XRCC5: variants seen among roughly 807,000 people sequenced by gnomAD.
XRCC5 encodes the protein X-ray repair cross complementing 5, also known as DNA repair protein Ku80.
A neutral mutation model predicts 95.7 loss-of-function variants in XRCC5; 12 were observed. The observed-to-expected ratio is 0.13, with a 90% confidence interval of 0.08 to 0.20. The LOEUF (loss-of-function observed/expected upper bound fraction) is 0.20, where lower values mean the gene tolerates loss of function less well. Among genes scored for constraint, XRCC5 ranks in the 10% least tolerant of loss-of-function variants. The pLI, the probability that XRCC5 is intolerant of heterozygous loss-of-function variation, is 1.00. For synonymous variants in XRCC5, 281 were observed against 290.3 expected, an observed-to-expected ratio of 0.97 and a Z score of 0.33; for missense variants, 595 against 873.9, an observed-to-expected ratio of 0.68 and a Z score of 4.02.
intron 19 of XRCC5, among the ~76,000 whole-genome samples, chr2:216,197,040 G>A (rs1345383815): frequency 6.6e-6 from 1 of 152,156 alleles, no homozygotes; most frequent in Non-Finnish European, 1.5e-5. Flanking sequence ...AAAAAAGCTT[G>A]TGTTTCCTGC....
At position 216,204,380 on chromosome 2, in the gene XRCC5, G is replaced by C. The variant is rs774681162; in HGVS notation, c.2168G>C (p.Gly723Ala). Residue 723 changes from glycine to alanine, a missense_variant, in exon 20 of 21, where the codon GGT (glycine) becomes GCT (alanine). Gly to Ala is a moderately conservative substitution (Grantham distance 60, BLOSUM62 0). This residue lies in a region of XRCC5 where 309 missense variants were observed against 382.9 expected (regional missense o/e 0.81). Transcript: ENST00000392132. ...ACAGCAGCTGTATTTGAAGAAGGTGGTGATGTGGACGATTTAGTAAGTACT... is the reference window on the plus strand; with the variant it reads ...ACAGCAGCTGTATTTGAAGAAGGTGCTGATGTGGACGATTTAGTAAGTACT... ...GDTAAVFEEG[G>A]DVDDLLDMI 1.2e-6 allele frequency: 2 copies of C among 1,613,920 alleles called. No individual in the cohort carries two copies. The highest frequency in any genetic ancestry group is 2.2e-5 in the South Asian group (2 of 91,086).
chr2:216,160,599 A>G (rs1688933819), intron 15 of XRCC5, among the ~76,000 whole-genome samples: 1 of 152,144 alleles, frequency 6.6e-6, no homozygotes, highest in African/African-American at 2.4e-5. Context: ...TTCCCCAAGA[A>G]TGTATCCTTT....
At chr2:216,154,080 G>A (rs184169704) in intron 14 of XRCC5, among the ~76,000 whole-genome samples, 4 of 152,168 alleles carry the variant, frequency 2.6e-5, no homozygotes, top group East Asian at 1.9e-4. Flanking sequence ...CAAATCTAAC[G>A]CTTTCACTTA....
chr2:216,170,037 C>CAAAAAAAAAAAAA, intron 16 of XRCC5, among the ~76,000 whole-genome samples: 1 of 53,606 alleles, frequency 1.9e-5, no homozygotes, highest in Non-Finnish European at 3.6e-5. Context: ...GACTGTGTCT[C>CAAAAAAAAAAAAA]AAAAAAAAAA....
rs1359484957 is a variant in XRCC5 at position 216,113,017 on chromosome 2, C to T, written c.23C>T (p.Ala8Val). 2 of 1,610,190 alleles carry T rather than the reference C, an allele frequency of 1.2e-6. No homozygotes were observed. Among genetic ancestry groups the T allele is most frequent in the Non-Finnish European group, 1.7e-6 (2 of 1,178,444 alleles). ...CACTCTTTGGAACTTTGTTTCCAGG[C>T]AGCTGTTGTGCTGTGTATGGACGTG... MVRSGNK[A>V]AVVLCMDVGF... is the part of the protein sequence containing the mutation. Residue 8 changes from alanine to valine, a missense_variant and splice_region_variant, in exon 2 of 21, where the codon GCA becomes GTA. Around this residue, in one of 2 missense-constraint regions of XRCC5, gnomAD observed 286 missense variants for 491.1 expected, o/e 0.58. Coordinates refer to ENST00000392132, the MANE Select transcript of XRCC5 (RefSeq NM_021141.4).
At chr2:216,155,236 CAAAA>C (rs10674711) in intron 14 of XRCC5, among the ~76,000 whole-genome samples, 6 of 80,460 alleles carry the variant, frequency 7.5e-5, no homozygotes, top group African/African-American at 3.1e-4. Context: ...ACTCCCATCT[CAAAA>C]AAAAAAAAAA....
intron 16 of XRCC5, among the ~76,000 whole-genome samples, chr2:216,185,724 G>A (rs895625324): frequency 6.9e-6 from 1 of 145,866 alleles, no homozygotes; most frequent in Non-Finnish European, 1.5e-5. Flanking sequence ...TGCCCAGGTT[G>A]GAGTGCAGTG....
intron 2 of XRCC5, among the ~76,000 whole-genome samples, chr2:216,114,750 CT>C (rs1696653317): frequency 6.6e-6 from 1 of 152,132 alleles, no homozygotes; most frequent in Admixed American, 6.5e-5. Flanking sequence ...AGCTATAATC[CT>C]TAAGGTTTCG....
chr2:216,116,896 C>G, intron 3 of XRCC5, 54 bp downstream of exon 3: 8 of 1,583,116 alleles, frequency 5.1e-6, no homozygotes, highest in Non-Finnish European at 6.9e-6. Context: ...TTCTGGGAAT[C>G]GTACAGCAGT....
At chr2:216,168,139 A>G (rs1689089441) in intron 16 of XRCC5, among the ~76,000 whole-genome samples, 1 of 152,226 alleles carries the variant, frequency 6.6e-6, no homozygotes, top group South Asian at 2.1e-4. Flanking sequence ...GTTATCTGAC[A>G]TCGTAATTAT....
chr2:216,118,616 T>A (rs1696744879), intron 4 of XRCC5, among the ~76,000 whole-genome samples: 2 of 152,242 alleles, frequency 1.3e-5, no homozygotes, highest in South Asian at 4.1e-4. Context: ...TGTGTAATCA[T>A]TTCTCAATCT....
chr2:216,147,474 A>G (rs778069479), intron 13 of XRCC5, among the ~76,000 whole-genome samples: 5 of 152,204 alleles, frequency 3.3e-5, no homozygotes, highest in Non-Finnish European at 7.3e-5. Flanking sequence ...TAGGCCAGGG[A>G]TGAGGTGATA....
At chr2:216,173,746 G>C (rs563253876) in intron 16 of XRCC5, among the ~76,000 whole-genome samples, 7 of 152,156 alleles carry the variant, frequency 4.6e-5, no homozygotes, top group Non-Finnish European at 1.5e-5. Context: ...ATTATCACTT[G>C]AGTGGGTTAG....
At chr2:216,175,756 T>C (rs207937) in intron 16 of XRCC5, 131,902 of 448,872 alleles carry the variant, frequency 0.29, 22,260 homozygotes, top group Non-Finnish European at 0.37. Context: ...CACATTGCTG[T>C]GTCCACCTCT....
intron 19 of XRCC5, 115 bp downstream of exon 19, chr2:216,195,101 A>G: frequency 1.1e-6 from 1 of 923,188 alleles, no homozygotes; most frequent in Middle Eastern, 2.4e-4. Context: ...CTCATTTTGT[A>G]TTCAATATGT....
chr2:216,147,456 G>A (rs1688656587), intron 13 of XRCC5, among the ~76,000 whole-genome samples: 1 of 152,176 alleles, frequency 6.6e-6, no homozygotes, highest in South Asian at 2.1e-4. Context: ...CAGTTAGAAG[G>A]TGACTGGTAG....
intron 13 of XRCC5, among the ~76,000 whole-genome samples, chr2:216,145,303 A>T (rs532801940): frequency 8.5e-5 from 13 of 152,308 alleles, no homozygotes; most frequent in Middle Eastern, 3.4e-3. Context: ...ATTAATAATT[A>T]ATTTGTTATC....
chr2:216,156,697 A>G, intron 14 of XRCC5: 1 of 541,278 alleles, frequency 1.8e-6, no homozygotes, highest in Non-Finnish European at 3.7e-6. Context: ...ACCTTCCATG[A>G]TTTGTACTAC....
chr2:216,171,793 TTCTC>T (rs1471581367), intron 16 of XRCC5, among the ~76,000 whole-genome samples: 4 of 152,252 alleles, frequency 2.6e-5, no homozygotes, highest in African/African-American at 9.6e-5. Flanking sequence ...AACATCTAGT[TTCTC>T]TCTTCTGTCT....
Sources: allele counts gnomAD v4.1 joint callset (sites outside exome capture counted in the v4.1 genomes callset), GRCh38; gene constraint gnomAD v4.1.1; regional missense constraint gnomAD v4.1.1; transcripts MANE v1.5; gene names NCBI Gene and HGNC (gene_info 2026-07-23, HGNC 2026-07-21).